The following RBFOX1 variants were observed in gnomAD, a reference collection of about 807,000 sequenced individuals.
RBFOX1 encodes RNA binding protein fox-1 homolog 1.
A neutral mutation model predicts 57.7 loss-of-function variants in RBFOX1; 8 were observed. That is an observed-to-expected ratio of 0.14 (90% CI 0.08 to 0.25). The LOEUF is 0.25. RBFOX1 is among the 10% of genes least tolerant of loss of function. The pLI is 1.00. For synonymous variants in RBFOX1, 326 were observed against 222.4 expected, an observed-to-expected ratio of 1.47 and a Z score of -4.15; for missense variants, 611 against 548.5, an observed-to-expected ratio of 1.11 and a Z score of -1.14.
chr16:7,411,307 C>T, intron 4 of RBFOX1, among the ~76,000 whole-genome samples: 1 of 152,036 alleles, frequency 6.6e-6, no homozygotes, highest in East Asian at 1.9e-4. Context: ...TAAGCAAGAG[C>T]CATCAGGTCT....
intron 2 of RBFOX1, among the ~76,000 whole-genome samples, chr16:5,547,379 G>C (rs1217513433): frequency 1.3e-5 from 2 of 152,150 alleles, no homozygotes; most frequent in African/African-American, 4.8e-5. Flanking sequence ...GGTGAATGTA[G>C]AAAACAATTT....
At chr16:6,242,956 T>G (rs1405637047) in intron 1 of RBFOX1, among the ~76,000 whole-genome samples, 1 of 152,204 alleles carries the variant, frequency 6.6e-6, no homozygotes, top group Non-Finnish European at 1.5e-5. Flanking sequence ...AAGAAATATA[T>G]GTCCTTGTTT....
At chr16:5,351,392 A>T (rs1174488139) in intron 1 of RBFOX1, among the ~76,000 whole-genome samples, 4 of 152,132 alleles carry the variant, frequency 2.6e-5, no homozygotes, top group Non-Finnish European at 5.9e-5. Context: ...TGGAATAGTT[A>T]AGTGATTAGG....
intron 3 of RBFOX1, among the ~76,000 whole-genome samples, chr16:6,904,423 A>C (rs2069248667): frequency 6.6e-6 from 1 of 151,734 alleles, no homozygotes; most frequent in Non-Finnish European, 1.5e-5. Context: ...CAACATGGTG[A>C]ATCCTCCTGT....
At chr16:6,170,703 C>T (rs548950570) in intron 1 of RBFOX1, among the ~76,000 whole-genome samples, 1 of 152,168 alleles carries the variant, frequency 6.6e-6, no homozygotes, top group Non-Finnish European at 1.5e-5. Flanking sequence ...AAGTACTAAG[C>T]TTAGTACCCA....
At chr16:6,341,130 A>G (rs1311045411) in intron 2 of RBFOX1, among the ~76,000 whole-genome samples, 1 of 152,194 alleles carries the variant, frequency 6.6e-6, no homozygotes, top group African/African-American at 2.4e-5. Context: ...CAGTTCTGGA[A>G]GTTAAAAGTC....
intron 3 of RBFOX1, among the ~76,000 whole-genome samples, chr16:6,855,005 G>C (rs919845143): frequency 6.6e-6 from 1 of 151,956 alleles, no homozygotes; most frequent in Admixed American, 6.5e-5. Context: ...AAAGGAGTCA[G>C]TGCCACCTAA....
chr16:6,378,540 A>T (rs1596343582), intron 2 of RBFOX1, among the ~76,000 whole-genome samples: 1 of 152,296 alleles, frequency 6.6e-6, no homozygotes, highest in East Asian at 1.9e-4. Flanking sequence ...TGGCTGGATC[A>T]TCTGGTGGAG....
intron 4 of RBFOX1, among the ~76,000 whole-genome samples, chr16:7,109,182 G>A (rs908266488): frequency 1.3e-5 from 2 of 152,150 alleles, no homozygotes; most frequent in Non-Finnish European, 2.9e-5. Flanking sequence ...AATCTTAAAA[G>A]TGGAAAAATA....
At chr16:7,110,553 G>T (rs1392842047) in intron 4 of RBFOX1, among the ~76,000 whole-genome samples, 3 of 152,152 alleles carry the variant, frequency 2.0e-5, no homozygotes, top group Non-Finnish European at 4.4e-5. Context: ...AGAACTTCGA[G>T]TACACAGTGG....
Position 7,034,848 on chromosome 16 carries a change from C to CTT in RBFOX1, c.-15-17192_-15-17191dup, listed in dbSNP as rs58405378. 2.6e-3 allele frequency among the ~76,000 whole-genome samples: 80 copies of CTT among 30,836 alleles called. 15 individuals are homozygous for CTT. Among genetic ancestry groups the CTT allele is most frequent in the African/African-American group, 0.011 (61 of 5,750 alleles). The allele number at this position is 30,836 out of a possible 152,430, so 20.2% of individuals were successfully genotyped here. ...ATTACTTTTTTTTTTTTTCTTTTTTCTTTTTTTTTTTTTTTTTTGAGATGG... is the reference window on the plus strand; with the variant it reads ...ATTACTTTTTTTTTTTTTCTTTTTTCTTTTTTTTTTTTTTTTTTTTGAGATGG... On this transcript the variant is annotated intron_variant, in intron 3 of 15. Coordinates refer to ENST00000550418, the MANE Select transcript of RBFOX1 (RefSeq NM_018723.4).
intron 4 of RBFOX1, among the ~76,000 whole-genome samples, chr16:7,511,689 G>C (rs761120250): frequency 6.6e-6 from 1 of 152,126 alleles, no homozygotes; most frequent in African/African-American, 2.4e-5. Flanking sequence ...GGTAACTGGA[G>C]TGAAAGCTAC....
chr16:6,611,774 C>G (rs749080731), intron 2 of RBFOX1, among the ~76,000 whole-genome samples: 15 of 152,076 alleles, frequency 9.9e-5, no homozygotes, highest in Non-Finnish European at 2.1e-4. Context: ...ACTCATCTTC[C>G]CCTTCTCTCT....
chr16:6,747,136 G>C (rs565311793), intron 3 of RBFOX1, among the ~76,000 whole-genome samples: 1 of 152,140 alleles, frequency 6.6e-6, no homozygotes, highest in African/African-American at 2.4e-5. Flanking sequence ...TCGGCCAGGC[G>C]CAGTGGCTCA....
At chr16:7,590,970 T>G (rs1412834872) in intron 7 of RBFOX1, among the ~76,000 whole-genome samples, 1 of 152,094 alleles carries the variant, frequency 6.6e-6, no homozygotes, top group African/African-American at 2.4e-5. Context: ...ACAGAAGTAC[T>G]TCCTGTCCTC....
chr16:7,239,049 G>A (rs552591268), intron 4 of RBFOX1, among the ~76,000 whole-genome samples: 118 of 152,220 alleles, frequency 7.8e-4, no homozygotes, highest in African/African-American at 2.8e-3. Flanking sequence ...TCATTGATGG[G>A]CATTTAGGTT....
intron 2 of RBFOX1, among the ~76,000 whole-genome samples, chr16:6,477,091 T>G (rs2095285436): frequency 6.6e-6 from 1 of 152,230 alleles, no homozygotes; most frequent in African/African-American, 2.4e-5. Context: ...ATTTCCAGGT[T>G]CTTCCTCCAC....
intron 3 of RBFOX1, among the ~76,000 whole-genome samples, chr16:6,837,229 G>GT (rs1425182063): frequency 6.6e-6 from 1 of 152,206 alleles, no homozygotes; most frequent in East Asian, 1.9e-4. Context: ...GGATCTCCGT[G>GT]TTTTAACACT....
At chr16:7,707,340 A>T (rs1447489595) in intron 14 of RBFOX1, among the ~76,000 whole-genome samples, 1 of 152,122 alleles carries the variant, frequency 6.6e-6, no homozygotes, top group East Asian at 1.9e-4. Flanking sequence ...TCAAACATGT[A>T]TTGGATTGGT....
Sources: allele counts gnomAD v4.1 joint callset (sites outside exome capture counted in the v4.1 genomes callset), GRCh38; gene constraint gnomAD v4.1.1; transcripts MANE v1.5; gene names NCBI Gene and HGNC (gene_info 2026-07-23, HGNC 2026-07-21).